The following SNX31 variants were observed in gnomAD, a reference collection of about 807,000 sequenced individuals.
SNX31 encodes the protein sorting nexin 31.
In SNX31, 58 loss-of-function variants were observed where a neutral mutation model predicts 65.4. The observed-to-expected ratio is 0.89, with a 90% confidence interval of 0.72 to 1.10. SNX31 has a LOEUF of 1.10. SNX31 is among the 50% of genes least tolerant of loss of function. The pLI, the probability that SNX31 is intolerant of heterozygous loss-of-function variation, is 0.00. For synonymous variants in SNX31, 181 were observed against 190.1 expected (o/e 0.95, Z 0.39); for missense variants, 523 against 529.7 (o/e 0.99, Z 0.12).
intron 8 of SNX31, among the ~76,000 whole-genome samples, chr8:100,606,775 T>C (rs1816202573): frequency 6.6e-6 from 1 of 152,242 alleles, no homozygotes; most frequent in African/African-American, 2.4e-5. Context: ...CCTCTATTAA[T>C]CCAAACCCAC....
At chr8:100,602,399 C>T (rs1385632919) in intron 8 of SNX31, among the ~76,000 whole-genome samples, 1 of 152,140 alleles carries the variant, frequency 6.6e-6, no homozygotes, top group Non-Finnish European at 1.5e-5. Context: ...TTGACTTTTT[C>T]CCAACTACAG....
Position 100,588,764 on chromosome 8 carries a change from G to T in SNX31, c.1092+102C>A. On this transcript the variant is annotated intron_variant, in intron 11 of 13. Transcript: ENST00000311812. The surrounding 1 kb of genome is among the most constrained non-coding windows in gnomAD (Gnocchi z 4.8). ...AACGAGAGTGCATAGAACACTTTAGGGTCCTGCTCTAGTTGGGTTAGGGTC... is the reference window on the plus strand; with the variant it reads ...AACGAGAGTGCATAGAACACTTTAGTGTCCTGCTCTAGTTGGGTTAGGGTC... 4 of 737,860 alleles carry T rather than the reference G, an allele frequency of 5.4e-6. No homozygotes were observed. The highest frequency in any genetic ancestry group is 9.4e-6 in the Non-Finnish European group (4 of 427,436). The allele number at this position is 737,860 out of a possible 1,614,324, so 45.7% of individuals were successfully genotyped here. A position where few individuals can be genotyped will look rare whatever the true frequency, so the allele number is the denominator to read the frequency against.
chr8:100,618,631 A>G (rs1817443345), intron 4 of SNX31: 14 of 512,408 alleles, frequency 2.7e-5, no homozygotes, highest in Middle Eastern at 5.1e-4. Flanking sequence ...TCTGGTTTCC[A>G]TGACCCCCTC....
intron 12 of SNX31, among the ~76,000 whole-genome samples, chr8:100,580,156 T>TAAAA (rs10608114): frequency 1.6e-5 from 2 of 124,484 alleles, no homozygotes; most frequent in East Asian, 2.4e-4. Context: ...AGCCTGTCTT[T>TAAAA]AAAAAAAAAA....
At chr8:100,650,514 A>G (rs1212473595), upstream of SNX31, among the ~76,000 whole-genome samples, 4 of 152,178 alleles carry the variant, frequency 2.6e-5, no homozygotes, top group African/African-American at 9.6e-5. Context: ...AGTCCTTTCA[A>G]ATGCCAGTCA....
At chr8:100,653,063 G>A (rs1174756778), upstream of SNX31, among the ~76,000 whole-genome samples, 2 of 152,134 alleles carry the variant, frequency 1.3e-5, no homozygotes, top group African/African-American at 2.4e-5. Context: ...TTAAGTCTTC[G>A]CATCCTGTGT....
At chr8:100,633,679 T>C (rs1003383921) in intron 3 of SNX31, among the ~76,000 whole-genome samples, 1 of 151,946 alleles carries the variant, frequency 6.6e-6, no homozygotes, top group African/African-American at 2.4e-5. Flanking sequence ...TCACAAAGTA[T>C]CTTAAAATAA....
intron 3 of SNX31, among the ~76,000 whole-genome samples, chr8:100,634,756 T>TAAAAAA (rs548613299): frequency 1.4e-5 from 2 of 141,596 alleles, no homozygotes; most frequent in East Asian, 4.1e-4. Context: ...CTCTCTGTCT[T>TAAAAAA]AAAAAAAAAA....
intron 3 of SNX31, among the ~76,000 whole-genome samples, chr8:100,633,077 C>T (rs1818516320): frequency 2.0e-5 from 3 of 151,330 alleles, no homozygotes; most frequent in Admixed American, 6.6e-5. Flanking sequence ...TGCCACTACA[C>T]CCAGCTAATT....
At chr8:100,599,090 G>T (rs1815372864) in intron 9 of SNX31, among the ~76,000 whole-genome samples, 2 of 152,186 alleles carry the variant, frequency 1.3e-5, no homozygotes, top group Non-Finnish European at 2.9e-5. Context: ...ATCAGTACAT[G>T]TAGATGCTTT....
intron 12 of SNX31, among the ~76,000 whole-genome samples, chr8:100,582,843 C>G (rs1276246700): frequency 6.6e-6 from 1 of 150,850 alleles, no homozygotes; most frequent in Non-Finnish European, 1.5e-5. Context: ...ATCAGCCGGG[C>G]GTGGTGGCAG....
At chr8:100,600,481 G>T (rs749602050) in intron 8 of SNX31, 40 bp from the exon 9 acceptor site, 1 of 1,531,390 alleles carries the variant, frequency 6.5e-7, no homozygotes, top group Non-Finnish European at 9.0e-7. Flanking sequence ...AGTCTTAGCA[G>T]AAATTAATCA....
chr8:100,583,353 A>G (rs1213829084), intron 12 of SNX31, among the ~76,000 whole-genome samples: 6 of 152,028 alleles, frequency 3.9e-5, no homozygotes, highest in Admixed American at 2.0e-4. Flanking sequence ...TGATCCCCCC[A>G]CTTGGCCTCC....
At chr8:100,641,565 AATATATAT>A (rs1237945389) in intron 2 of SNX31, among the ~76,000 whole-genome samples, 25 of 32,102 alleles carry the variant, frequency 7.8e-4, no homozygotes, top group African/African-American at 3.1e-3. Flanking sequence ...AAAAAAAAAA[AATATATAT>A]ATATATATAT....
Position 100,578,224 on chromosome 8 carries a change from C to T in SNX31, c.1171-1149G>A, listed in dbSNP as rs933467932. 6.6e-6 allele frequency among the ~76,000 whole-genome samples: 1 copy of T among 152,196 alleles called. No individual in the cohort carries two copies. Among genetic ancestry groups the T allele is most frequent in the Non-Finnish European group, 1.5e-5 (1 of 68,038 alleles). On this transcript the variant is annotated intron_variant, in intron 12 of 13. Transcript: ENST00000311812. This position sits in a 1 kb window ranked among gnomAD's most constrained non-coding sequence, Gnocchi z 4.7. ...GAGTGCCTGGCACACCTAGTAAACA[C>T]CACCTAGCCAGGCTTTTTGGGGAAA... is the stretch of plus-strand genomic sequence containing the variant.
intron 2 of SNX31, among the ~76,000 whole-genome samples, chr8:100,646,399 C>G (rs28777384): frequency 0.026 from 3,947 of 152,234 alleles, 98 homozygotes; most frequent in African/African-American, 0.06. Flanking sequence ...TAGCAGCTCT[C>G]AGAAAGAACA....
chr8:100,574,016 C>A (rs1421817745), intron 13 of SNX31, 56 bp from the exon 14 acceptor site: 1 of 1,070,828 alleles, frequency 9.3e-7, no homozygotes, highest in East Asian at 2.5e-5. Flanking sequence ...ATTTCCATAA[C>A]AATAACAAAG....
At chr8:100,581,221 T>C (rs1813473775) in intron 12 of SNX31, among the ~76,000 whole-genome samples, 1 of 151,100 alleles carries the variant, frequency 6.6e-6, no homozygotes, top group Non-Finnish European at 1.5e-5. Context: ...ATCACCTCAG[T>C]CTGGGAAGTT....
intron 10 of SNX31, 108 bp from the exon 11 acceptor site, chr8:100,589,087 G>A: frequency 1.4e-6 from 1 of 734,684 alleles, no homozygotes; most frequent in Non-Finnish European, 2.2e-6. Flanking sequence ...GATCGCCTGA[G>A]GTCAGGAGTT....
Sources: gnomAD v4.1 joint callset for allele counts (sites outside exome capture counted in the v4.1 genomes callset) on GRCh38, gnomAD v4.1.1 for gene constraint, Gnocchi (gnomAD v3.1) non-coding constraint, MANE v1.5 for transcripts, NCBI Gene and HGNC (gene_info 2026-07-23, HGNC 2026-07-21) for gene names.